The following SYNPO2 variants were observed in gnomAD, a reference collection of about 807,000 sequenced individuals.
The protein encoded by SYNPO2 is synaptopodin 2.
In SYNPO2, 56 loss-of-function variants were observed where a neutral mutation model predicts 85.0. The ratio of observed to expected loss-of-function variants is 0.66; its 90% CI spans 0.53 to 0.82. SYNPO2 has a LOEUF of 0.82. Ranked by LOEUF, SYNPO2 falls within the 40% of genes least tolerant of loss-of-function variation. The pLI is 0.00. For missense variants in SYNPO2, 1,575 were observed against 1,534.2 expected, an observed-to-expected ratio of 1.03 and a Z score of -0.44; for synonymous variants, 602 against 591.1, an observed-to-expected ratio of 1.02 and a Z score of -0.27.
At chr4:118,950,943 A>G (rs190301165) in intron 1 of SYNPO2, among the ~76,000 whole-genome samples, 1 of 152,336 alleles carries the variant, frequency 6.6e-6, no homozygotes, top group East Asian at 1.9e-4. Context: ...TTTCTACACA[A>G]CCAGTGTAAA....
Position 118,993,047 on chromosome 4 carries a change from C to G in SYNPO2, c.106-30383C>G, listed in dbSNP as rs1560954949. 2.0e-5 allele frequency among the ~76,000 whole-genome samples: 3 copies of G among 152,170 alleles called. 1 individual carries two copies. The South Asian group carries it at 6.2e-4, about 32-fold the overall frequency. On this transcript the variant is annotated intron_variant, in intron 1 of 4. Transcript: ENST00000307142. ...ACTACTCAAACCAAGCAGAGTCGAT[C>G]TGCAAGATAATAAGAGTAGATATGC...
intron 1 of SYNPO2, among the ~76,000 whole-genome samples, chr4:118,927,893 A>G (rs1733793006): frequency 7.7e-6 from 1 of 129,542 alleles, no homozygotes; most frequent in Non-Finnish European, 1.7e-5. Flanking sequence ...GGCATTATAC[A>G]GAAATTGGTC....
chr4:118,902,533 C>G (rs960796026), intron 1 of SYNPO2, among the ~76,000 whole-genome samples: 1 of 152,038 alleles, frequency 6.6e-6, no homozygotes, highest in Non-Finnish European at 1.5e-5. Flanking sequence ...GAAACCGCCC[C>G]CATGATTTAA....
At chr4:118,928,507 G>A (rs1173997769) in intron 1 of SYNPO2, among the ~76,000 whole-genome samples, 1 of 152,028 alleles carries the variant, frequency 6.6e-6, no homozygotes, top group African/African-American at 2.4e-5. Context: ...GTTTTATGAG[G>A]TCATAACTAG....
At chr4:119,056,601 A>C (rs1005599506) in intron 4 of SYNPO2, among the ~76,000 whole-genome samples, 4 of 152,168 alleles carry the variant, frequency 2.6e-5, no homozygotes, top group Non-Finnish European at 1.5e-5. Context: ...AGTCAAGCTG[A>C]ATATTAAGTA....
In SYNPO2 at chr4:118,893,081, C is replaced by G. The variant is rs536745844; in HGVS notation, c.105+3940C>G. 1.6e-3 allele frequency among the ~76,000 whole-genome samples: 240 copies of G among 152,172 alleles called. 1 individual carries two copies. Among genetic ancestry groups the G allele is most frequent in the African/African-American group, 5.6e-3 (233 of 41,542 alleles). On this transcript the variant is annotated intron_variant, in intron 1 of 4. Coordinates refer to ENST00000307142, the MANE Select transcript of SYNPO2 (RefSeq NM_133477.3). ...TATGTATACTTGAGAATAAATGCTC[C>G]TTCCTATATATGAAAACTGGTAATA...
chr4:119,008,370 A>C (rs1166153907), intron 1 of SYNPO2, among the ~76,000 whole-genome samples: 4 of 151,784 alleles, frequency 2.6e-5, no homozygotes, highest in African/African-American at 9.7e-5. Flanking sequence ...ATGAATGAAT[A>C]CCTTCAAAAC....
At chr4:119,037,233 G>A in intron 4 of SYNPO2, 1 of 1,508,540 alleles carries the variant, frequency 6.6e-7, no homozygotes, top group South Asian at 1.3e-5. Flanking sequence ...GAAACACAAA[G>A]AAATCCTGCT....
chr4:119,012,594 T>C (rs145403019), intron 1 of SYNPO2, among the ~76,000 whole-genome samples: 17 of 152,192 alleles, frequency 1.1e-4, no homozygotes, highest in African/African-American at 4.1e-4. Flanking sequence ...TTTCCCCTCC[T>C]GTGTCCATGT....
intron 4 of SYNPO2, chr4:119,033,185 G>A (rs1738358172): frequency 1.0e-6 from 1 of 985,306 alleles, no homozygotes; most frequent in Non-Finnish European, 1.2e-6. Flanking sequence ...CCATGTGTGT[G>A]GAGACTGTAG....
chr4:119,016,068 A>G (rs1054601055), intron 1 of SYNPO2, among the ~76,000 whole-genome samples: 5 of 152,266 alleles, frequency 3.3e-5, no homozygotes, highest in Admixed American at 1.3e-4. Flanking sequence ...AGTAATGTCC[A>G]GAAGTTTTAG....
In SYNPO2 at chr4:119,023,434, G is replaced by T. The variant is rs144242052; in HGVS notation, c.110G>T (p.Arg37Leu). 5.0e-6 allele frequency: 8 copies of T among 1,605,172 alleles called. No individual in the cohort carries two copies. The highest frequency in any genetic ancestry group is 1.7e-5 in the Admixed American group (1 of 57,864). Residue 37 changes from arginine to leucine, a missense_variant, in exon 2 of 5, where the codon CGA (arginine) becomes CTA (leucine). Arg to Leu is a moderately radical substitution (Grantham distance 102, BLOSUM62 -2). Coordinates refer to ENST00000307142, the MANE Select transcript of SYNPO2 (RefSeq NM_133477.3). The stretch of plus-strand genomic sequence containing the variant: ...TTCTTTTTTTACTCCACTCAGATTC[G>T]AAATCAGAGCAAAGCCTCTGGGTCT... ...QKQPLQVAKI[R>L]NQSKASGSGL...
chr4:118,925,944 TTTTTGCTAGGTAC>T (rs1307772177), intron 1 of SYNPO2, among the ~76,000 whole-genome samples: 1 of 152,156 alleles, frequency 6.6e-6, no homozygotes, highest in Non-Finnish European at 1.5e-5. Flanking sequence ...AGTACCATGA[TTTTTGCTAGGTAC>T]TGGGCAAACA....
chr4:119,057,362 A>G (rs374973094), intron 4 of SYNPO2, 39 bp from the exon 5 acceptor site: 2 of 1,524,894 alleles, frequency 1.3e-6, no homozygotes, highest in African/African-American at 2.8e-5. Context: ...AGCACAAACC[A>G]AAATGAATGA....
intron 1 of SYNPO2, among the ~76,000 whole-genome samples, chr4:118,961,542 G>A (rs994661473): frequency 5.9e-5 from 9 of 152,096 alleles, no homozygotes; most frequent in Admixed American, 5.9e-4. Context: ...ATTCTCCAAC[G>A]ACCTTTACTA....
At chr4:119,054,479 C>G (rs1480609066) in intron 4 of SYNPO2, among the ~76,000 whole-genome samples, 1 of 152,276 alleles carries the variant, frequency 6.6e-6, no homozygotes, top group Non-Finnish European at 1.5e-5. Context: ...GAAAATGGCT[C>G]TCAGTGGAGA....
At position 119,010,418 on chromosome 4, in the gene SYNPO2, A is replaced by AACCATCAGATACAGTGAGACTT. The variant is rs1260117673; in HGVS notation, c.106-13010_106-12989dup. On this transcript the variant is annotated intron_variant, in intron 1 of 4. Coordinates refer to ENST00000307142, the MANE Select transcript of SYNPO2 (RefSeq NM_133477.3). ...ATGCAAAAGCAGAAACCCCTGACAAAACCATCAGATACAGTGAGACTTATT... is the reference window on the plus strand; with the variant it reads ...ATGCAAAAGCAGAAACCCCTGACAAAACCATCAGATACAGTGAGACTTACCATCAGATACAGTGAGACTTATT... Among the ~76,000 whole-genome samples, 12 of 152,296 alleles carry AACCATCAGATACAGTGAGACTT rather than the reference A, an allele frequency of 7.9e-5. No individual in the cohort carries two copies. In the East Asian group the frequency reaches 2.3e-3, roughly 29 times the overall value.
chr4:119,040,984 A>G (rs1738694421), intron 4 of SYNPO2, among the ~76,000 whole-genome samples: 1 of 152,224 alleles, frequency 6.6e-6, no homozygotes, highest in Admixed American at 6.5e-5. Flanking sequence ...GAACAGAGCA[A>G]ACTCCCAGCT....
intron 1 of SYNPO2, among the ~76,000 whole-genome samples, chr4:118,978,588 A>G (rs534916781): frequency 1.3e-5 from 2 of 152,238 alleles, no homozygotes; most frequent in South Asian, 4.1e-4. Context: ...ATTCCAATGG[A>G]TTTTCCACTT....
Sources: gnomAD v4.1 joint callset for allele counts (sites outside exome capture counted in the v4.1 genomes callset) on GRCh38, gnomAD v4.1.1 for gene constraint, MANE v1.5 for transcripts, NCBI Gene and HGNC (gene_info 2026-07-23, HGNC 2026-07-21) for gene names.